Variants in GPHN observed in about 807,000 individuals in gnomAD.
GPHN encodes the protein gephyrin.
A neutral mutation model predicts 95.5 loss-of-function variants in GPHN; 17 were observed. The observed-to-expected ratio is 0.18, with a 90% CI of 0.12 to 0.27. The LOEUF (loss-of-function observed/expected upper bound fraction) is 0.27. Among genes scored for constraint, GPHN ranks in the 10% least tolerant of loss-of-function variants. The probability of loss-of-function intolerance (pLI) is 1.00; values close to 1 mark genes in which losing one functional copy is unlikely to be tolerated. For synonymous variants in GPHN, 320 were observed against 322.5 expected, an observed-to-expected ratio of 0.99 and a Z score of 0.08; for missense variants, 660 against 978.1, an observed-to-expected ratio of 0.67 and a Z score of 4.34.
the GPHN span, among the ~76,000 whole-genome samples, chr14:67,628,938 G>T: frequency 6.6e-6 from 1 of 152,222 alleles, no homozygotes; most frequent in Non-Finnish European, 1.5e-5. Context: ...GTTCACAGCA[G>T]TATTAACAAT....
chr14:67,204,479 C>G, the GPHN span: 2 of 1,494,398 alleles, frequency 1.3e-6, no homozygotes, highest in Non-Finnish European at 1.8e-6. Context: ...ATAAGAAAGG[C>G]CTTTTTATAA....
chr14:66,608,652 A>G (rs1566694124), intron 1 of GPHN, among the ~76,000 whole-genome samples: 1 of 152,098 alleles, frequency 6.6e-6, no homozygotes, highest in Non-Finnish European at 1.5e-5. Flanking sequence ...GACTTGTTTT[A>G]TGAATCTGGA....
the GPHN span, among the ~76,000 whole-genome samples, chr14:67,493,444 G>T: frequency 6.6e-6 from 1 of 152,182 alleles, no homozygotes; most frequent in Non-Finnish European, 1.5e-5. Flanking sequence ...CTGTGTTAGG[G>T]ATAAAAACCC....
intron 1 of GPHN, among the ~76,000 whole-genome samples, chr14:66,523,930 T>C (rs1022800069): frequency 6.6e-6 from 1 of 152,272 alleles, no homozygotes; most frequent in Non-Finnish European, 1.5e-5. Context: ...GGGGTTCTGC[T>C]TGATCTAAAT....
rs78247596 is a variant in GPHN at position 66,643,182 on chromosome 14, A to G, written c.65-37925A>G. ...CTCAACATAAAAAATCATTAGGGAA[A>G]TGCAAGCTAAAACCACAGCAAAATA... On this transcript the variant is annotated intron_variant, in intron 1 of 22. Coordinates refer to ENST00000478722, the MANE Select transcript of GPHN (RefSeq NM_020806.5). Among the ~76,000 whole-genome samples, 555 of 152,234 alleles carry G rather than the reference A, an allele frequency of 3.6e-3. 12 individuals carry two copies. Among genetic ancestry groups the G allele is most frequent in the African/African-American group, 0.013 (529 of 41,572 alleles).
intron 14 of GPHN, among the ~76,000 whole-genome samples, chr14:67,111,649 GA>G (rs536044135): frequency 1.2e-3 from 190 of 152,138 alleles, no homozygotes; most frequent in African/African-American, 4.2e-3. Context: ...AAAAATTGGA[GA>G]AAAAAATTTT....
the GPHN span, among the ~76,000 whole-genome samples, chr14:67,699,031 A>AC: frequency 6.6e-6 from 1 of 152,058 alleles, no homozygotes; most frequent in South Asian, 2.1e-4. Flanking sequence ...TGGATGGATC[A>AC]CCTGAGGTCA....
chr14:66,610,773 A>G (rs2062748011), intron 1 of GPHN, among the ~76,000 whole-genome samples: 1 of 152,186 alleles, frequency 6.6e-6, no homozygotes, highest in African/African-American at 2.4e-5. Context: ...GTGGGAATTT[A>G]TAGCCAATGA....
chr14:66,552,092 C>T (rs577543311), intron 1 of GPHN, among the ~76,000 whole-genome samples: 2 of 152,256 alleles, frequency 1.3e-5, no homozygotes, highest in East Asian at 1.9e-4. Context: ...ATCTTAGACA[C>T]CTCCCTTTCA....
chr14:67,608,949 C>A, the GPHN span, among the ~76,000 whole-genome samples: 1 of 152,274 alleles, frequency 6.6e-6, no homozygotes, highest in African/African-American at 2.4e-5. Flanking sequence ...TCCCCATACA[C>A]CAAGAAAGCA....
chr14:67,392,533 C>T, the GPHN span: 1 of 1,216,982 alleles, frequency 8.2e-7, no homozygotes, highest in Middle Eastern at 1.9e-4. Flanking sequence ...GAACCTCATT[C>T]TGCATCAGGA....
the GPHN span, among the ~76,000 whole-genome samples, chr14:67,266,537 G>C: frequency 2.0e-5 from 3 of 151,964 alleles, no homozygotes; most frequent in African/African-American, 7.2e-5. Flanking sequence ...TGTTGGCCAG[G>C]CTGGTCTCAA....
At chr14:66,753,618 A>G (rs1309223062) in intron 2 of GPHN, among the ~76,000 whole-genome samples, 2 of 152,064 alleles carry the variant, frequency 1.3e-5, no homozygotes, top group African/African-American at 2.4e-5. Context: ...TGCTTGCATT[A>G]TTGGTTTTAT....
chr14:66,915,966 G>T (rs376213718), intron 5 of GPHN, 37 bp from the exon 6 acceptor site: 13 of 1,132,292 alleles, frequency 1.1e-5, no homozygotes, highest in Non-Finnish European at 9.5e-6. Context: ...GGCATTCATA[G>T]CAATTTAGTG....
the GPHN span, among the ~76,000 whole-genome samples, chr14:67,463,082 G>A: frequency 6.6e-6 from 1 of 152,182 alleles, no homozygotes; most frequent in Non-Finnish European, 1.5e-5. Context: ...CAACAGGGTG[G>A]TGATCCTGAG....
chr14:66,729,249 G>A (rs955941682), intron 2 of GPHN, among the ~76,000 whole-genome samples: 1 of 151,982 alleles, frequency 6.6e-6, no homozygotes, highest in Non-Finnish European at 1.5e-5. Context: ...GCGTGAAAAT[G>A]GACTAATACA....
chr14:67,313,975 T>TA, the GPHN span, among the ~76,000 whole-genome samples: 7,567 of 143,678 alleles, frequency 0.053, 218 homozygotes, highest in East Asian at 0.062. Context: ...AAACAAAAAT[T>TA]AAAAAAAAAA....
rs544189900 is a variant in GPHN, at chr14:66,645,654, T to C, written c.65-35453T>C. On this transcript the variant is annotated intron_variant, in intron 1 of 22. Coordinates refer to ENST00000478722, the MANE Select transcript of GPHN (RefSeq NM_020806.5). ...TTGCAGTGAGCCAAGATCATGCCATTATACTCCAGCTTGGGCGACAGAGTG... is the reference window on the plus strand; with the variant it reads ...TTGCAGTGAGCCAAGATCATGCCATCATACTCCAGCTTGGGCGACAGAGTG... Among the ~76,000 whole-genome samples the C allele has an allele frequency of 1.1e-4, 16 of 146,564 alleles. No individual in the cohort carries two copies. In the South Asian group the frequency reaches 1.5e-3, roughly 14 times the overall value.
chr14:67,235,863 CTT>C, the GPHN span, among the ~76,000 whole-genome samples: 4 of 152,138 alleles, frequency 2.6e-5, no homozygotes, highest in East Asian at 3.8e-4. Context: ...TTTGTTGACT[CTT>C]GTTTCCATAT....
Sources: allele counts gnomAD v4.1 joint callset (sites outside exome capture counted in the v4.1 genomes callset), GRCh38; gene constraint gnomAD v4.1.1; transcripts MANE v1.5; gene names NCBI Gene and HGNC (gene_info 2026-07-23, HGNC 2026-07-21).